Variants in WNT3 observed in about 807,000 individuals in gnomAD.
The protein encoded by WNT3 is proto-oncogene Wnt-3.
A neutral mutation model predicts 34.2 loss-of-function variants in WNT3; 7 were observed. The ratio of observed to expected loss-of-function variants is 0.20; its 90% CI spans 0.12 to 0.38. The LOEUF (loss-of-function observed/expected upper bound fraction) is 0.38. Among genes scored for constraint, WNT3 ranks in the 10% least tolerant of loss-of-function variants. The pLI is 1.00. For synonymous variants in WNT3, 212 were observed against 211.5 expected (o/e 1.00, Z -0.02); for missense variants, 267 against 499.8 (o/e 0.53, Z 4.44).
intron 3 of WNT3, among the ~76,000 whole-genome samples, chr17:46,769,049 A>G (rs2059339388): frequency 6.6e-6 from 1 of 152,204 alleles, no homozygotes; most frequent in South Asian, 2.1e-4. Flanking sequence ...GTTGTTGCCC[A>G]GGCGCGGTGG....
chr17:46,775,582 A>G (rs148063525), intron 1 of WNT3, among the ~76,000 whole-genome samples: 123 of 151,824 alleles, frequency 8.1e-4, no homozygotes, highest in African/African-American at 2.8e-3. Flanking sequence ...GCTTTTTCTA[A>G]AGAGAAAGAA....
intron 1 of WNT3, among the ~76,000 whole-genome samples, chr17:46,786,117 A>G (rs2059504219): frequency 8.2e-6 from 1 of 122,610 alleles, no homozygotes; most frequent in African/African-American, 3.2e-5. Context: ...GGAAAAAGGG[A>G]GGAGGGTGCG....
At chr17:46,815,585 A>G (rs1312180936) in intron 1 of WNT3, among the ~76,000 whole-genome samples, 2 of 152,064 alleles carry the variant, frequency 1.3e-5, no homozygotes, top group Non-Finnish European at 2.9e-5. Context: ...AAATGGGATC[A>G]GGAATCAGAG....
chr17:46,809,056 G>A (rs1432667263), intron 1 of WNT3, among the ~76,000 whole-genome samples: 1 of 152,170 alleles, frequency 6.6e-6, no homozygotes, highest in Non-Finnish European at 1.5e-5. Flanking sequence ...GAGAGGAGGT[G>A]GAAGTATTTC....
At chr17:46,814,938 C>T (rs2084321832) in intron 1 of WNT3, among the ~76,000 whole-genome samples, 1 of 152,188 alleles carries the variant, frequency 6.6e-6, no homozygotes, top group African/African-American at 2.4e-5. Flanking sequence ...TATTTCCCAG[C>T]TCACTGCCCT....
chr17:46,818,691 A>G lies in WNT3; in HGVS notation c.-94T>C. The G allele has an allele frequency of 2.4e-6, 3 of 1,258,954 alleles. No homozygotes were observed. Among genetic ancestry groups the G allele is most frequent in the Non-Finnish European group, 3.4e-6 (3 of 880,982 alleles). The allele number at this position is 1,258,954 out of a possible 1,614,324, so 78.0% of individuals were successfully genotyped here. ...GAACAAAGTCCACTTGAGATTGGAAATGACTTTCGGGCTTGTCAGAAGCGC... is the reference window on the plus strand; with the variant it reads ...GAACAAAGTCCACTTGAGATTGGAAGTGACTTTCGGGCTTGTCAGAAGCGC... On this transcript the variant is annotated 5_prime_UTR_variant, in exon 1 of 5. Coordinates refer to ENST00000225512, the MANE Select transcript of WNT3 (RefSeq NM_030753.5).
chr17:46,781,128 T>A (rs1000610416), intron 1 of WNT3, among the ~76,000 whole-genome samples: 2 of 151,610 alleles, frequency 1.3e-5, no homozygotes, highest in Non-Finnish European at 2.9e-5. Context: ...CTCAGGAGGC[T>A]GAGACAGGAG....
rs73987046 is a variant in WNT3 at position 46,796,106 on chromosome 17, A to G, written c.81-22197T>C. Among the ~76,000 whole-genome samples the G allele has an allele frequency of 3.0e-3, 461 of 152,310 alleles. 1 individual carries two copies. Among genetic ancestry groups the G allele is most frequent in the African/African-American group, 0.01 (429 of 41,576 alleles). ...CACGCCTGCAGGCCAGGGCTTTGTG[A>G]TCTGGCTGACCCCAATCCTGATCTT... On this transcript the variant is annotated intron_variant, in intron 1 of 4. Transcript: ENST00000225512.
intron 1 of WNT3, among the ~76,000 whole-genome samples, chr17:46,791,811 A>G (rs1490403554): frequency 8.9e-6 from 1 of 111,812 alleles, no homozygotes; most frequent in African/African-American, 4.4e-5. Flanking sequence ...ATTTCGAGGC[A>G]GGGGGATCAC....
At chr17:46,773,523 G>A in intron 2 of WNT3, 145 bp downstream of exon 2, 1 of 927,130 alleles carries the variant, frequency 1.1e-6, no homozygotes, top group Non-Finnish European at 1.6e-6. Flanking sequence ...CTGGGAAGGT[G>A]TGGCAGTCAT....
At chr17:46,781,842 C>T (rs946348506) in intron 1 of WNT3, among the ~76,000 whole-genome samples, 10 of 152,242 alleles carry the variant, frequency 6.6e-5, no homozygotes, top group Non-Finnish European at 1.2e-4. Flanking sequence ...TTCCCTCTTC[C>T]TCTATACGGG....
At chr17:46,817,020 C>G (rs746411100) in intron 1 of WNT3, among the ~76,000 whole-genome samples, 3 of 152,194 alleles carry the variant, frequency 2.0e-5, no homozygotes, top group Non-Finnish European at 4.4e-5. Flanking sequence ...CCCAGCCCCC[C>G]GGAAAAGTGT....
rs146739026 is a variant in WNT3, at chr17:46,769,872, A to G, written c.499T>C (p.Leu167=). ...GCSEDADFGV[L]VSREFADARE... is the part of the protein sequence containing the mutation. ...GCATCCGCGAACTCCCTGGACACTA[A>G]CACGCCGAAGTCAGCGTCCTCGCTG... The change falls in exon 3 of 5, where the codon TTA becomes CTA. Residue 167 remains leucine (L), a synonymous_variant. Coordinates refer to ENST00000225512, the MANE Select transcript of WNT3 (RefSeq NM_030753.5). The G allele has an allele frequency of 2.3e-4, 367 of 1,613,500 alleles. 1 individual carries two copies. The highest frequency in any genetic ancestry group is 3.1e-4 in the Non-Finnish European group (361 of 1,179,918).
At chr17:46,770,081 G>A in intron 2 of WNT3, 33 bp from the exon 3 acceptor site, 2 of 1,515,244 alleles carry the variant, frequency 1.3e-6, no homozygotes, top group Non-Finnish European at 1.8e-6. Context: ...CAGCACTCAG[G>A]ACCCGGCCTG....
intron 1 of WNT3, among the ~76,000 whole-genome samples, chr17:46,807,057 G>C (rs555750920): frequency 6.6e-6 from 1 of 152,180 alleles, no homozygotes; most frequent in Non-Finnish European, 1.5e-5. Context: ...GGCCAGGAAC[G>C]AGAGACAGTC....
intron 2 of WNT3, among the ~76,000 whole-genome samples, chr17:46,771,282 G>C (rs1351514894): frequency 6.6e-6 from 1 of 152,092 alleles, no homozygotes; most frequent in Non-Finnish European, 1.5e-5. Flanking sequence ...CCGACGTCCC[G>C]CGTCCAGTTG....
At chr17:46,776,070 C>A (rs1053855505) in intron 1 of WNT3, among the ~76,000 whole-genome samples, 1 of 152,206 alleles carries the variant, frequency 6.6e-6, no homozygotes, top group African/African-American at 2.4e-5. Context: ...GATGGCTTAG[C>A]CTTGCAGGTT....
chr17:46,768,280 C>T lies in WNT3; in HGVS notation c.*8+32G>A. The T allele has an allele frequency of 6.2e-7, 1 of 1,612,126 alleles. No individual in the cohort carries two copies. The highest frequency in any genetic ancestry group is 8.5e-7 in the Non-Finnish European group (1 of 1,179,986). ...CAACCCCATTCCCTGCGCCCAGGCTCCCAGCCTCCCCCCTGCTTCCCGGAG... is the reference window on the plus strand; with the variant it reads ...CAACCCCATTCCCTGCGCCCAGGCTTCCAGCCTCCCCCCTGCTTCCCGGAG... On this transcript the variant is annotated intron_variant, in intron 4 of 4. Transcript: ENST00000225512. The surrounding 1 kb of genome is among the most constrained non-coding windows in gnomAD (Gnocchi z 5.0).
At chr17:46,775,683 G>A (rs181942582) in intron 1 of WNT3, among the ~76,000 whole-genome samples, 88 of 145,222 alleles carry the variant, frequency 6.1e-4, no homozygotes, top group Admixed American at 7.8e-4. Flanking sequence ...ACGTGATCTC[G>A]GCTCACTGCA....
Sources: gnomAD v4.1 joint callset for allele counts (sites outside exome capture counted in the v4.1 genomes callset) on GRCh38, gnomAD v4.1.1 for gene constraint, Gnocchi (gnomAD v3.1) non-coding constraint, MANE v1.5 for transcripts, NCBI Gene and HGNC (gene_info 2026-07-23, HGNC 2026-07-21) for gene names.